DOCK1: variants seen among roughly 807,000 people sequenced by gnomAD.
The protein encoded by DOCK1 is dedicator of cytokinesis 1.
A neutral mutation model predicts 262.7 loss-of-function variants in DOCK1; 138 were observed. The observed-to-expected ratio is 0.53, with a 90% CI of 0.46 to 0.61. DOCK1 has a LOEUF of 0.61. Ranked by LOEUF, DOCK1 falls within the 20% of genes least tolerant of loss-of-function variation. The probability of loss-of-function intolerance (pLI) is 0.00; values close to 1 mark genes in which losing one functional copy is unlikely to be tolerated. For synonymous variants in DOCK1, 866 were observed against 867.4 expected (o/e 1.00, Z 0.03); for missense variants, 1,908 against 2,370.7 (o/e 0.80, Z 4.05).
Position 127,031,653 on chromosome 10 carries a change from AG to A in DOCK1, c.1630del (p.Asp544IlefsTer9), listed in dbSNP as rs1168594060. On this transcript the variant is annotated frameshift_variant, in exon 17 of 52. Transcript: ENST00000623213. LOFTEE classifies it high-confidence loss of function. ...TFRHRSSQDS[K>X]DKSEKIFALA... ...TTTTTTGTTTTTTGTTTTACAGCTA[AG>A]GATAAATCTGAGAAAATATTTGCAC... 6.2e-7 allele frequency: 1 copy of A among 1,606,260 alleles called. No individual in the cohort carries two copies. The highest frequency in any genetic ancestry group is 8.5e-7 in the Non-Finnish European group (1 of 1,178,264).
intron 40 of DOCK1, among the ~76,000 whole-genome samples, chr10:127,407,418 C>T (rs2067579736): frequency 6.6e-6 from 1 of 152,092 alleles, no homozygotes; most frequent in South Asian, 2.1e-4. Context: ...TGATGACTTT[C>T]CTAAGGGTGG....
chr10:127,038,100 G>A (rs1183940415), intron 19 of DOCK1, among the ~76,000 whole-genome samples: 1 of 152,046 alleles, frequency 6.6e-6, no homozygotes, highest in Non-Finnish European at 1.5e-5. Flanking sequence ...GGGTGTGGTG[G>A]CGCATGCCTG....
intron 27 of DOCK1, chr10:127,136,173 A>C (rs1197828136): frequency 1.3e-5 from 2 of 152,062 alleles, no homozygotes; most frequent in African/African-American, 4.8e-5. Flanking sequence ...GAATGTTTAC[A>C]CGACATACTC....
intron 22 of DOCK1, among the ~76,000 whole-genome samples, chr10:127,055,951 G>T (rs529449716): frequency 1.3e-5 from 2 of 152,172 alleles, no homozygotes; most frequent in Admixed American, 1.3e-4. Flanking sequence ...ACCTGCCTTT[G>T]TCCTGGTATG....
chr10:127,420,201 C>T (rs1208984923), intron 46 of DOCK1, among the ~76,000 whole-genome samples: 1 of 152,166 alleles, frequency 6.6e-6, no homozygotes, highest in Non-Finnish European at 1.5e-5. Context: ...GGTGTGCGTC[C>T]TCATCTGTGT....
At chr10:127,305,938 G>T (rs1292163692) in intron 29 of DOCK1, among the ~76,000 whole-genome samples, 3 of 151,852 alleles carry the variant, frequency 2.0e-5, no homozygotes, top group East Asian at 3.9e-4. Context: ...TGGCATCTAT[G>T]CATTTAAATA....
intron 27 of DOCK1, among the ~76,000 whole-genome samples, chr10:127,148,688 G>T (rs1160196681): frequency 6.6e-6 from 1 of 152,172 alleles, no homozygotes; most frequent in Non-Finnish European, 1.5e-5. Context: ...CTGGAGAGAA[G>T]AAATTTCAGC....
chr10:127,110,175 C>A, intron 24 of DOCK1, 73 bp from the exon 25 acceptor site: 1 of 1,253,352 alleles, frequency 8.0e-7, no homozygotes. Flanking sequence ...TGACCTATAT[C>A]TCAGTATTGT....
intron 27 of DOCK1, among the ~76,000 whole-genome samples, chr10:127,227,186 T>C (rs1197121204): frequency 6.6e-6 from 1 of 152,222 alleles, no homozygotes; most frequent in East Asian, 1.9e-4. Flanking sequence ...CCTCACCTGA[T>C]GCCTGCCTGT....
chr10:127,110,181 A>T, intron 24 of DOCK1, 67 bp from the exon 25 acceptor site: 1 of 1,334,084 alleles, frequency 7.5e-7, no homozygotes, highest in Non-Finnish European at 1.1e-6. Context: ...ATATCTCAGT[A>T]TTGTAACAAC....
rs1446915757 is a variant in DOCK1 at position 127,012,084 on chromosome 10, A to ACCTCTCC, written c.1059-146_1059-140dup. 1.6e-6 allele frequency: 1 copy of ACCTCTCC among 610,780 alleles called. No homozygotes were observed. The highest frequency in any genetic ancestry group is 1.9e-5 in the African/African-American group (1 of 53,464). 37.8% of individuals were successfully genotyped at this position (610,780 alleles called of 1,614,324 possible). A position where few individuals can be genotyped will look rare whatever the true frequency, so the allele number is the denominator to read the frequency against. ...AATGCTTTTCCCTGTTTCTCTTGTC[A>ACCTCTCC]CCTCTCCCATCCTTTGTCGTGCGTT... is the stretch of plus-strand genomic sequence containing the variant. On this transcript the variant is annotated intron_variant, in intron 11 of 51. Coordinates refer to ENST00000623213, the MANE Select transcript of DOCK1 (RefSeq NM_001290223.2). This position sits in a 1 kb window ranked among gnomAD's most constrained non-coding sequence, Gnocchi z 4.0.
At chr10:127,097,208 C>T (rs1564800682) in intron 23 of DOCK1, among the ~76,000 whole-genome samples, 1 of 152,156 alleles carries the variant, frequency 6.6e-6, no homozygotes, top group East Asian at 1.9e-4. Flanking sequence ...TCTTTTCCCT[C>T]TAAAGCTTTG....
intron 28 of DOCK1, among the ~76,000 whole-genome samples, chr10:127,256,896 C>T (rs1445500628): frequency 2.0e-5 from 3 of 152,106 alleles, no homozygotes; most frequent in Non-Finnish European, 4.4e-5. Flanking sequence ...TTTGAAATTC[C>T]GTAAGAGAAA....
At chr10:127,133,921 G>A (rs1361937532) in intron 27 of DOCK1, among the ~76,000 whole-genome samples, 3 of 152,224 alleles carry the variant, frequency 2.0e-5, no homozygotes, top group African/African-American at 7.2e-5. Context: ...TAGAGTTTCT[G>A]TAGGTCAAAG....
chr10:126,931,502 G>C (rs1227368620), intron 1 of DOCK1, among the ~76,000 whole-genome samples: 2 of 151,566 alleles, frequency 1.3e-5, no homozygotes, highest in Non-Finnish European at 2.9e-5. Flanking sequence ...TGAGCACAGG[G>C]AACACAACAG....
Position 126,970,802 on chromosome 10 carries a change from G to C in DOCK1, c.130+17G>C, listed in dbSNP as rs887556529. ...CATATGAAGGTGCGTATGCATCTTG[G>C]TATCTTTTCTCTTACATTTTGGGCA... On this transcript the variant is annotated intron_variant, in intron 2 of 51. Transcript: ENST00000623213. The C allele has an allele frequency of 5.0e-6, 8 of 1,608,218 alleles. No homozygotes were observed. Among genetic ancestry groups the C allele is most frequent in the African/African-American group, 1.3e-5 (1 of 74,860 alleles).
chr10:127,394,718 CA>C (rs2066715258), intron 38 of DOCK1, among the ~76,000 whole-genome samples: 3 of 152,182 alleles, frequency 2.0e-5, no homozygotes, highest in Admixed American at 2.0e-4. Context: ...GAGTCAGTAA[CA>C]ACAATGCTCC....
chr10:127,283,336 A>C (rs184812092), intron 29 of DOCK1, among the ~76,000 whole-genome samples: 149 of 152,328 alleles, frequency 9.8e-4, no homozygotes, highest in African/African-American at 3.4e-3. Flanking sequence ...GTGAGGTTGG[A>C]GCAAACCCTT....
intron 23 of DOCK1, among the ~76,000 whole-genome samples, chr10:127,103,442 G>A (rs1164407313): frequency 6.6e-6 from 1 of 152,206 alleles, no homozygotes; most frequent in East Asian, 1.9e-4. Flanking sequence ...GTGGGTTGAA[G>A]AGCGTGGGGT....
Sources: gnomAD v4.1 joint callset for allele counts (sites outside exome capture counted in the v4.1 genomes callset) on GRCh38, gnomAD v4.1.1 for gene constraint, Gnocchi (gnomAD v3.1) non-coding constraint, MANE v1.5 for transcripts, NCBI Gene and HGNC (gene_info 2026-07-23, HGNC 2026-07-21) for gene names.